Variants in BBS9 observed in about 807,000 individuals in gnomAD.
BBS9 encodes protein PTHB1.
In BBS9, 89 loss-of-function variants were observed where a neutral mutation model predicts 117.7. That is an observed-to-expected ratio of 0.76 (90% confidence interval 0.64 to 0.90). The LOEUF is 0.90. BBS9 is among the 40% of genes least tolerant of loss of function. The pLI, the probability that BBS9 is intolerant of heterozygous loss-of-function variation, is 0.00. For synonymous variants in BBS9, 379 were observed against 370.9 expected, an observed-to-expected ratio of 1.02 and a Z score of -0.25; for missense variants, 982 against 1,042.2, an observed-to-expected ratio of 0.94 and a Z score of 0.80.
intron 3 of BBS9, among the ~76,000 whole-genome samples, chr7:33,154,453 C>T (rs185866316): frequency 3.9e-5 from 6 of 152,084 alleles, no homozygotes; most frequent in Admixed American, 6.5e-5. Context: ...TACATGTGAG[C>T]CTGTTCAGTA....
chr7:33,498,541 A>C (rs150789918), intron 19 of BBS9, among the ~76,000 whole-genome samples: 19 of 152,242 alleles, frequency 1.2e-4, no homozygotes, highest in African/African-American at 3.9e-4. Flanking sequence ...GCCCTAAGCA[A>C]CTATTAATCT....
intron 19 of BBS9, among the ~76,000 whole-genome samples, chr7:33,394,733 T>C (rs74797504): frequency 0.026 from 3,887 of 152,264 alleles, 169 homozygotes; most frequent in African/African-American, 0.089. Flanking sequence ...GCCTTCTCAA[T>C]CAACTGAATG....
At chr7:33,163,072 A>G (rs576757331) in intron 4 of BBS9, among the ~76,000 whole-genome samples, 4 of 152,340 alleles carry the variant, frequency 2.6e-5, no homozygotes, top group South Asian at 2.1e-4. Context: ...CGTTTTCTGC[A>G]TCTATTGAGA....
intron 21 of BBS9, among the ~76,000 whole-genome samples, chr7:33,562,124 A>G (rs1167500782): frequency 6.6e-6 from 1 of 152,240 alleles, no homozygotes; most frequent in East Asian, 1.9e-4. Flanking sequence ...TGAAGATTGT[A>G]TTAATGATAC....
In BBS9 at chr7:33,556,226, C is replaced by T. The variant is rs534700837; in HGVS notation, c.2521+22050C>T. ...TTAACAGGAAGTGAATTATATCCTC[C>T]GATGTACTAGAGGAATTTGTTCTCT... On this transcript the variant is annotated intron_variant, in intron 21 of 22. Transcript: ENST00000242067. 1.2e-3 allele frequency among the ~76,000 whole-genome samples: 176 copies of T among 152,226 alleles called. 2 individuals are homozygous for T. Among genetic ancestry groups the T allele is most frequent in the African/African-American group, 4.0e-3 (167 of 41,542 alleles).
chr7:33,252,768 C>T (rs571274928), intron 5 of BBS9, among the ~76,000 whole-genome samples: 6 of 151,802 alleles, frequency 4.0e-5, no homozygotes, highest in South Asian at 2.1e-4. Context: ...TATCTTCCAC[C>T]GCAGGTCAAG....
At chr7:33,604,493 T>C (rs1864283559) in intron 21 of BBS9, among the ~76,000 whole-genome samples, 1 of 151,140 alleles carries the variant, frequency 6.6e-6, no homozygotes, top group Non-Finnish European at 1.5e-5. Context: ...TGTGCTTTGC[T>C]TCTTTTATAG....
At chr7:33,418,060 G>T (rs1032539447) in intron 19 of BBS9, among the ~76,000 whole-genome samples, 1 of 152,206 alleles carries the variant, frequency 6.6e-6, no homozygotes, top group African/African-American at 2.4e-5. Context: ...AGCATGCCTA[G>T]TATAGGGTAG....
chr7:33,590,298 C>T (rs187980737), intron 21 of BBS9, among the ~76,000 whole-genome samples: 22 of 152,028 alleles, frequency 1.4e-4, no homozygotes, highest in African/African-American at 3.1e-4. Flanking sequence ...AGCAAAGAAA[C>T]GGAAGAAAAT....
At chr7:33,409,976 C>T (rs1372374876) in intron 19 of BBS9, among the ~76,000 whole-genome samples, 1 of 151,906 alleles carries the variant, frequency 6.6e-6, no homozygotes, top group Non-Finnish European at 1.5e-5. Flanking sequence ...GTGATCTCTT[C>T]TGCCTTTAAA....
At chr7:33,238,716 A>G (rs1478559563) in intron 5 of BBS9, among the ~76,000 whole-genome samples, 3 of 152,280 alleles carry the variant, frequency 2.0e-5, no homozygotes, top group Middle Eastern at 6.8e-3. Flanking sequence ...TGAGTATTTT[A>G]GGATTTTTTT....
At chr7:33,213,878 C>T (rs777681449) in intron 5 of BBS9, among the ~76,000 whole-genome samples, 16 of 152,102 alleles carry the variant, frequency 1.1e-4, no homozygotes, top group Non-Finnish European at 2.4e-4. Flanking sequence ...TCTCTTTACT[C>T]CTCGTTCTCT....
chr7:33,280,174 A>T (rs931248154), intron 9 of BBS9, among the ~76,000 whole-genome samples: 11 of 152,028 alleles, frequency 7.2e-5, no homozygotes, highest in African/African-American at 1.9e-4. Context: ...GCTTATTTAA[A>T]TTTTTTTAAA....
chr7:33,609,015 A>C (rs911340992), downstream of BBS9, among the ~76,000 whole-genome samples: 2 of 152,024 alleles, frequency 1.3e-5, no homozygotes, highest in African/African-American at 4.8e-5. Flanking sequence ...TCTTTTATCC[A>C]TTTTGAGTTA....
chr7:33,492,923 G>T (rs1844214166), intron 19 of BBS9, among the ~76,000 whole-genome samples: 1 of 151,088 alleles, frequency 6.6e-6, no homozygotes, highest in Non-Finnish European at 1.5e-5. Context: ...AAGATACCTG[G>T]TTTGAATCTT....
At chr7:33,279,165 A>G (rs1801344001) in intron 9 of BBS9, among the ~76,000 whole-genome samples, 1 of 152,028 alleles carries the variant, frequency 6.6e-6, no homozygotes, top group South Asian at 2.1e-4. Flanking sequence ...AGTAGCTACA[A>G]CTATAGGCAT....
intron 19 of BBS9, among the ~76,000 whole-genome samples, chr7:33,388,424 C>T (rs567488403): frequency 1.3e-4 from 20 of 152,226 alleles, no homozygotes; most frequent in Admixed American, 4.6e-4. Flanking sequence ...TGTAAAGCAA[C>T]AAGAACAATG....
chr7:33,258,930 T>C (rs1356767382), intron 6 of BBS9, among the ~76,000 whole-genome samples: 2 of 152,242 alleles, frequency 1.3e-5, no homozygotes, highest in Non-Finnish European at 2.9e-5. Context: ...ATTAAATTCA[T>C]CTTTGTCTTA....
At chr7:33,325,179 C>A in intron 9 of BBS9, among the ~76,000 whole-genome samples, 1 of 151,904 alleles carries the variant, frequency 6.6e-6, no homozygotes, top group East Asian at 1.9e-4. Flanking sequence ...ATTATTTTTT[C>A]TTTTGTCTCC....
Sources: gnomAD v4.1 joint callset for allele counts (sites outside exome capture counted in the v4.1 genomes callset) on GRCh38, gnomAD v4.1.1 for gene constraint, MANE v1.5 for transcripts, NCBI Gene and HGNC (gene_info 2026-07-23, HGNC 2026-07-21) for gene names.